EXT1: variants seen among roughly 807,000 people sequenced by gnomAD.
The protein encoded by EXT1 is exostosin-1.
A neutral mutation model predicts 82.5 loss-of-function variants in EXT1; 20 were observed. The observed-to-expected ratio is 0.24, with a 90% CI of 0.17 to 0.35. The LOEUF (loss-of-function observed/expected upper bound fraction) is 0.35. Among genes scored for constraint, EXT1 ranks in the 10% least tolerant of loss-of-function variants. The probability of loss-of-function intolerance (pLI) is 1.00; values close to 1 mark genes in which losing one functional copy is unlikely to be tolerated. For missense variants in EXT1, 757 were observed against 936.5 expected (o/e 0.81, Z 2.50); for synonymous variants, 348 against 350.8 (o/e 0.99, Z 0.09).
intron 1 of EXT1, among the ~76,000 whole-genome samples, chr8:118,011,355 A>G (rs2129835176): frequency 6.6e-6 from 1 of 152,322 alleles, no homozygotes; most frequent in Admixed American, 6.5e-5. Context: ...GTAGGCACCC[A>G]CTAACCTTAT....
intron 1 of EXT1, among the ~76,000 whole-genome samples, chr8:117,866,620 C>T (rs992902542): frequency 7.2e-5 from 11 of 152,130 alleles, no homozygotes; most frequent in African/African-American, 2.7e-4. Flanking sequence ...ATCAAAGTTA[C>T]GGAAACCTAG....
chr8:118,040,374 T>C (rs2129900927), intron 1 of EXT1, among the ~76,000 whole-genome samples: 1 of 152,326 alleles, frequency 6.6e-6, no homozygotes, highest in African/African-American at 2.4e-5. Flanking sequence ...AGGTATCTGT[T>C]TGGGTTCTTG....
At chr8:118,053,743 G>A (rs767739445) in intron 1 of EXT1, among the ~76,000 whole-genome samples, 2 of 152,290 alleles carry the variant, frequency 1.3e-5, no homozygotes, top group Middle Eastern at 3.4e-3. Context: ...AGTACAACAG[G>A]TTATTTGCCA....
chr8:117,812,056 T>G (rs1221133099), intron 8 of EXT1, among the ~76,000 whole-genome samples: 1 of 147,114 alleles, frequency 6.8e-6, no homozygotes, highest in Non-Finnish European at 1.5e-5. Context: ...GGAAAATGAT[T>G]GTGAACAAAA....
chr8:117,970,983 A>G (rs760229381), intron 1 of EXT1, among the ~76,000 whole-genome samples: 14 of 152,144 alleles, frequency 9.2e-5, no homozygotes, highest in Non-Finnish European at 1.3e-4. Flanking sequence ...GATTCTTGGC[A>G]CAGAGAAGAT....
intron 1 of EXT1, among the ~76,000 whole-genome samples, chr8:118,060,484 C>T (rs1396313525): frequency 6.6e-6 from 1 of 152,176 alleles, no homozygotes. Context: ...CCACTCATAA[C>T]ATCTACCTGG....
intron 1 of EXT1, among the ~76,000 whole-genome samples, chr8:117,953,581 C>A (rs1353554298): frequency 2.0e-5 from 3 of 151,878 alleles, no homozygotes; most frequent in Non-Finnish European, 2.9e-5. Context: ...TGCCAAACAA[C>A]CAGCGCCAAA....
chr8:117,866,996 C>T (rs796171204), intron 1 of EXT1, among the ~76,000 whole-genome samples: 5 of 152,166 alleles, frequency 3.3e-5, no homozygotes, highest in African/African-American at 9.6e-5. Flanking sequence ...TACAGTGGCT[C>T]ACGCCTGTAA....
At chr8:117,849,741 T>A (rs1292564874) in intron 1 of EXT1, among the ~76,000 whole-genome samples, 1 of 152,228 alleles carries the variant, frequency 6.6e-6, no homozygotes, top group Non-Finnish European at 1.5e-5. Flanking sequence ...CACAAATTAA[T>A]AACTAAAGCA....
At chr8:117,801,005 G>A (rs2129683430) in intron 10 of EXT1, among the ~76,000 whole-genome samples, 1 of 152,358 alleles carries the variant, frequency 6.6e-6, no homozygotes, top group South Asian at 2.1e-4. Flanking sequence ...CTTTAATGAT[G>A]TATATGTATG....
chr8:117,858,712 AGAAGGAAGGAAGGAAGGAAGGAAG>A lies in EXT1; in HGVS notation c.963-21535_963-21512del, dbSNP rs564611274. Among the ~76,000 whole-genome samples, 91 of 66,166 alleles carry A rather than the reference AGAAGGAAGGAAGGAAGGAAGGAAG, an allele frequency of 1.4e-3. 2 individuals are homozygous for A. The highest frequency in any genetic ancestry group is 2.1e-3 in the South Asian group (4 of 1,862). 43.4% of individuals were successfully genotyped at this position (66,166 alleles called of 152,430 possible). ...AAGAAGAAAGAAAGAAAGAAAAGAA[AGAAGGAAGGAAGGAAGGAAGGAAG>A]GAAGGAAGGAAGGAAGGAAGGAAGG... On this transcript the variant is annotated intron_variant, in intron 1 of 10. Transcript: ENST00000378204.
At chr8:117,852,831 C>A (rs967741260) in intron 1 of EXT1, among the ~76,000 whole-genome samples, 1 of 152,168 alleles carries the variant, frequency 6.6e-6, no homozygotes, top group African/African-American at 2.4e-5. Flanking sequence ...AATAAAAAAT[C>A]CTGTTCCTTT....
At chr8:118,044,590 A>G (rs1366521401) in intron 1 of EXT1, among the ~76,000 whole-genome samples, 2 of 152,130 alleles carry the variant, frequency 1.3e-5, no homozygotes, top group Non-Finnish European at 2.9e-5. Context: ...TATTTTTAGT[A>G]GAGACGAGGT....
chr8:117,950,262 A>G (rs1468586755), intron 1 of EXT1, among the ~76,000 whole-genome samples: 1 of 152,120 alleles, frequency 6.6e-6, no homozygotes, highest in Non-Finnish European at 1.5e-5. Context: ...ATAAAATAAA[A>G]TAAAATCACT....
chr8:117,975,642 T>C (rs367802201), intron 1 of EXT1, among the ~76,000 whole-genome samples: 9 of 152,248 alleles, frequency 5.9e-5, no homozygotes, highest in East Asian at 3.9e-4. Flanking sequence ...GGGCAATGCT[T>C]GCTTAAAGGA....
At chr8:117,807,193 A>G (rs1195132155) in intron 9 of EXT1, 24 bp downstream of exon 9, 12 of 1,613,884 alleles carry the variant, frequency 7.4e-6, no homozygotes, top group Non-Finnish European at 9.3e-6. Context: ...TAAAGTCTGT[A>G]AGAGACATGT....
At chr8:118,024,406 T>G (rs1335093932) in intron 1 of EXT1, among the ~76,000 whole-genome samples, 1 of 152,154 alleles carries the variant, frequency 6.6e-6, no homozygotes, top group Non-Finnish European at 1.5e-5. Context: ...AGTTTCTACA[T>G]CATACATTCA....
intron 4 of EXT1, 125 bp from the exon 5 acceptor site, chr8:117,822,722 T>C (rs986160534): frequency 8.2e-6 from 8 of 980,322 alleles, no homozygotes; most frequent in Non-Finnish European, 1.3e-5. Context: ...CCTCCCACTT[T>C]AATTCTCCGG....
intron 1 of EXT1, among the ~76,000 whole-genome samples, chr8:118,047,423 T>C (rs1335480084): frequency 5.9e-5 from 9 of 152,154 alleles, no homozygotes; most frequent in Non-Finnish European, 1.2e-4. Context: ...TAAGGATACA[T>C]CAAAGTTCTT....
Sources: allele counts gnomAD v4.1 joint callset (sites outside exome capture counted in the v4.1 genomes callset), GRCh38; gene constraint gnomAD v4.1.1; transcripts MANE v1.5; gene names NCBI Gene and HGNC (gene_info 2026-07-23, HGNC 2026-07-21).